Variants in TULP4 observed in about 807,000 individuals in gnomAD.
TULP4 encodes tubby-related protein 4.
A neutral mutation model predicts 129.0 loss-of-function variants in TULP4; 16 were observed. The ratio of observed to expected loss-of-function variants is 0.12; its 90% CI spans 0.08 to 0.19. TULP4 has a LOEUF of 0.19. Ranked by LOEUF, TULP4 falls within the 10% of genes least tolerant of loss-of-function variation. The probability of loss-of-function intolerance (pLI) is 1.00; values close to 1 mark genes in which losing one functional copy is unlikely to be tolerated. For missense variants in TULP4, 1,842 were observed against 2,059.1 expected (o/e 0.89, Z 2.04); for synonymous variants, 998 against 854.0 (o/e 1.17, Z -2.94).
intron 1 of TULP4, among the ~76,000 whole-genome samples, chr6:158,409,147 G>A (rs1778030370): frequency 6.6e-6 from 1 of 152,186 alleles, no homozygotes; most frequent in African/African-American, 2.4e-5. Context: ...AGTAGTTCTA[G>A]GTGTAAGAAG....
intron 4 of TULP4, among the ~76,000 whole-genome samples, chr6:158,449,761 G>A (rs1779127435): frequency 6.6e-6 from 1 of 151,980 alleles, no homozygotes; most frequent in South Asian, 2.1e-4. Flanking sequence ...GAGTACTCTT[G>A]GTGGGGATGA....
intron 5 of TULP4, among the ~76,000 whole-genome samples, chr6:158,456,638 C>T (rs765842762): frequency 3.9e-5 from 6 of 152,074 alleles, no homozygotes; most frequent in Non-Finnish European, 8.8e-5. Context: ...TCGAGACTAG[C>T]CTGGCCAATA....
At chr6:158,463,174 G>C (rs1213825933) in intron 6 of TULP4, among the ~76,000 whole-genome samples, 1 of 152,172 alleles carries the variant, frequency 6.6e-6, no homozygotes, top group South Asian at 2.1e-4. Flanking sequence ...ATTTGGGGAA[G>C]CATGTCCTGA....
chr6:158,386,979 G>A (rs1001907537), intron 1 of TULP4, among the ~76,000 whole-genome samples: 1 of 152,034 alleles, frequency 6.6e-6, no homozygotes, highest in East Asian at 1.9e-4. Flanking sequence ...AAATGAACAG[G>A]TGAGAAAAAT....
At chr6:158,249,397 C>T (rs569007105) in intron 1 of TULP4, among the ~76,000 whole-genome samples, 16 of 151,784 alleles carry the variant, frequency 1.1e-4, no homozygotes, top group Admixed American at 4.6e-4. Context: ...TTATCTTATT[C>T]CATTAGTAAT....
intron 3 of TULP4, among the ~76,000 whole-genome samples, chr6:158,434,052 G>A (rs1778696377): frequency 1.3e-5 from 2 of 152,160 alleles, no homozygotes; most frequent in African/African-American, 4.8e-5. Flanking sequence ...GTGTTCTCAC[G>A]TGGACTTTTC....
chr6:158,438,432 G>A (rs1023085692), intron 3 of TULP4, among the ~76,000 whole-genome samples: 22 of 152,182 alleles, frequency 1.4e-4, no homozygotes, highest in Admixed American at 5.9e-4. Context: ...CTGGAGGAGC[G>A]CACCTGCAGC....
upstream of TULP4, among the ~76,000 whole-genome samples, chr6:158,307,680 A>T (rs757300542): frequency 8.5e-5 from 13 of 152,054 alleles, no homozygotes; most frequent in Admixed American, 5.2e-4. Context: ...ATGGGGTTTC[A>T]CCATGTTGGC....
chr6:158,350,175 C>T (rs1235505776), intron 1 of TULP4, among the ~76,000 whole-genome samples: 2 of 151,590 alleles, frequency 1.3e-5, no homozygotes, highest in Admixed American at 6.6e-5. Flanking sequence ...ACGGGGCGGC[C>T]GGGCAGAGGC....
intron 1 of TULP4, among the ~76,000 whole-genome samples, chr6:158,384,047 C>G (rs529616742): frequency 6.6e-6 from 1 of 152,148 alleles, no homozygotes; most frequent in Non-Finnish European, 1.5e-5. Context: ...TGTGACTGCC[C>G]AGTCAGGTTG....
intron 6 of TULP4, among the ~76,000 whole-genome samples, chr6:158,470,083 G>A (rs959820145): frequency 2.6e-5 from 4 of 152,204 alleles, no homozygotes; most frequent in African/African-American, 9.6e-5. Context: ...CCAGTGACTA[G>A]TGTTCAGCTC....
At chr6:158,410,594 A>C (rs1446261026) in intron 1 of TULP4, among the ~76,000 whole-genome samples, 1 of 152,196 alleles carries the variant, frequency 6.6e-6, no homozygotes, top group Non-Finnish European at 1.5e-5. Flanking sequence ...TAAATAACTA[A>C]TGTGTTAGGG....
At chr6:158,423,010 CTCACGCCTG>C (rs1378900134) in intron 2 of TULP4, among the ~76,000 whole-genome samples, 1 of 152,032 alleles carries the variant, frequency 6.6e-6, no homozygotes, top group Non-Finnish European at 1.5e-5. Context: ...AACTTACAGG[CTCACGCCTG>C]TAATCCAAGC....
At chr6:158,369,900 ATAAC>A (rs1777035427) in intron 1 of TULP4, among the ~76,000 whole-genome samples, 1 of 152,142 alleles carries the variant, frequency 6.6e-6, no homozygotes, top group Non-Finnish European at 1.5e-5. Context: ...CAAAAAATAA[ATAAC>A]AGTCTGGTTG....
At chr6:158,379,198 G>T (rs745734840) in intron 1 of TULP4, among the ~76,000 whole-genome samples, 1 of 152,190 alleles carries the variant, frequency 6.6e-6, no homozygotes, top group Non-Finnish European at 1.5e-5. Flanking sequence ...GGTGTGAGAA[G>T]ACTCAAACTT....
intron 1 of TULP4, among the ~76,000 whole-genome samples, chr6:158,294,379 A>C (rs909157567): frequency 3.3e-5 from 5 of 152,052 alleles, no homozygotes; most frequent in African/African-American, 1.2e-4. Context: ...AAAAATAAAA[A>C]AAAAAATAAA....
At position 158,503,864 on chromosome 6, in the gene TULP4, G is replaced by A. The variant is rs751651813; in HGVS notation, c.4201G>A (p.Glu1401Lys). 2.7e-5 allele frequency: 43 copies of A among 1,613,948 alleles called. No individual in the cohort carries two copies. Among genetic ancestry groups the A allele is most frequent in the South Asian group, 4.4e-5 (4 of 91,082 alleles). Residue 1401 changes from glutamate to lysine, a missense_variant, in exon 13 of 14, where the codon GAG (glutamate) becomes AAG (lysine). Physicochemically the swap from Glu to Lys is moderately conservative, Grantham distance 56. Coordinates refer to ENST00000367097, the MANE Select transcript of TULP4 (RefSeq NM_020245.5). This position sits in a 1 kb window ranked among gnomAD's most constrained non-coding sequence, Gnocchi z 4.3. Reference protein sequence around the residue: ...LKSKKLNKTNEFQDSSESEPE... With the variant: ...LKSKKLNKTNKFQDSSESEPE... ...GTCAAAGAAGTTGAATAAGACAAACGAGTTCCAGGACAGCTCCGAGAGCGA... is the reference window on the plus strand; with the variant it reads ...GTCAAAGAAGTTGAATAAGACAAACAAGTTCCAGGACAGCTCCGAGAGCGA...
intron 5 of TULP4, among the ~76,000 whole-genome samples, chr6:158,457,391 G>A (rs1447914575): frequency 1.3e-5 from 2 of 152,174 alleles, no homozygotes; most frequent in African/African-American, 4.8e-5. Flanking sequence ...GTGTCTGTGG[G>A]CTCAAAGGCC....
chr6:158,328,078 T>TGG (rs1779784847), intron 1 of TULP4, among the ~76,000 whole-genome samples: 1 of 110,798 alleles, frequency 9.0e-6, no homozygotes. Flanking sequence ...TTCTCAGAGC[T>TGG]GGTGTGTGTG....
Sources: gnomAD v4.1 joint callset for allele counts (sites outside exome capture counted in the v4.1 genomes callset) on GRCh38, gnomAD v4.1.1 for gene constraint, Gnocchi (gnomAD v3.1) non-coding constraint, MANE v1.5 for transcripts, NCBI Gene and HGNC (gene_info 2026-07-23, HGNC 2026-07-21) for gene names.